The following DIPK1A variants were observed in gnomAD, a reference collection of about 807,000 sequenced individuals.
The protein encoded by DIPK1A is family with sequence similarity 69 member A.
In DIPK1A, 27 loss-of-function variants were observed where a neutral mutation model predicts 40.8. The ratio of observed to expected loss-of-function variants is 0.66; its 90% CI spans 0.49 to 0.91. DIPK1A has a LOEUF of 0.91. Ranked by LOEUF, DIPK1A falls within the 40% of genes least tolerant of loss-of-function variation. The pLI is 0.00. For synonymous variants in DIPK1A, 166 were observed against 171.3 expected, an observed-to-expected ratio of 0.97 and a Z score of 0.24; for missense variants, 412 against 505.7, an observed-to-expected ratio of 0.81 and a Z score of 1.78.
downstream of DIPK1A, among the ~76,000 whole-genome samples, chr1:92,838,054 T>C (rs1687195830): frequency 6.6e-6 from 1 of 152,176 alleles, no homozygotes; most frequent in South Asian, 2.1e-4. Flanking sequence ...GTTGTAGAAA[T>C]GAGGGGAGCC....
chr1:92,941,830 A>G (rs1440951940), intron 1 of DIPK1A, among the ~76,000 whole-genome samples: 1 of 152,104 alleles, frequency 6.6e-6, no homozygotes, highest in Non-Finnish European at 1.5e-5. Context: ...GTGCACTCAA[A>G]TGTACAGATA....
rs1557502636 is a variant in DIPK1A at position 92,959,902 on chromosome 1, A to ATTTTTTTTTT, written c.54+1473_54+1474insAAAAAAAAAA. 7.6e-3 allele frequency among the ~76,000 whole-genome samples: 326 copies of ATTTTTTTTTT among 43,074 alleles called. 23 individuals are homozygous for ATTTTTTTTTT. The highest frequency in any genetic ancestry group is 8.6e-3 in the Non-Finnish European group (225 of 26,066). The allele number at this position is 43,074 out of a possible 152,430, so 28.3% of individuals were successfully genotyped here. A position where few individuals can be genotyped will look rare whatever the true frequency, so the allele number is the denominator to read the frequency against. ...AGCTGGGACCACAGGCACCCAACCAACTTTTTTTTTTTTTTTTTTTTTTTT... is the reference window on the plus strand; with the variant it reads ...AGCTGGGACCACAGGCACCCAACCAATTTTTTTTTTCTTTTTTTTTTTTTTTTTTTTTTTT... On this transcript the variant is annotated intron_variant, in intron 1 of 4. Transcript: ENST00000370310.
intron 1 of DIPK1A, among the ~76,000 whole-genome samples, chr1:92,905,470 T>C (rs1649586226): frequency 6.6e-6 from 1 of 152,182 alleles, no homozygotes. Context: ...CATTTTAAAA[T>C]CAGATTATTA....
chr1:92,892,965 A>G (rs1198389243), intron 1 of DIPK1A, among the ~76,000 whole-genome samples: 1 of 152,126 alleles, frequency 6.6e-6, no homozygotes, highest in Non-Finnish European at 1.5e-5. Context: ...AAGAATAGAA[A>G]GAAATGAACA....
At chr1:92,931,985 A>T (rs1224962577) in intron 1 of DIPK1A, 1 of 475,286 alleles carries the variant, frequency 2.1e-6, no homozygotes, top group African/African-American at 2.1e-5. Context: ...AGATAGACTG[A>T]TAACATATTT....
downstream of DIPK1A, chr1:92,837,652 A>G (rs1283222406): frequency 6.2e-7 from 1 of 1,603,042 alleles, no homozygotes; most frequent in African/African-American, 1.3e-5. Flanking sequence ...TTTACCTAAA[A>G]ATGCCTATAT....
chr1:92,878,084 C>T (rs1261184300), intron 1 of DIPK1A, among the ~76,000 whole-genome samples: 1 of 152,046 alleles, frequency 6.6e-6, no homozygotes. Context: ...TACCAGTTTA[C>T]AGGAAATACA....
chr1:92,833,153 T>C, intron 4 of DIPK1A: 2 of 662,740 alleles, frequency 3.0e-6, no homozygotes, highest in Non-Finnish European at 2.7e-6. Context: ...GTTTCTTTTA[T>C]TCCATATTTC....
intron 1 of DIPK1A, among the ~76,000 whole-genome samples, chr1:92,956,569 A>G (rs1651863692): frequency 6.6e-6 from 1 of 152,208 alleles, no homozygotes; most frequent in Non-Finnish European, 1.5e-5. Context: ...CTGGAGACTG[A>G]AAATGGGCAA....
At chr1:92,836,574 G>A (rs889636437) in intron 4 of DIPK1A, 2 of 626,446 alleles carry the variant, frequency 3.2e-6, no homozygotes, top group African/African-American at 3.7e-5. Flanking sequence ...TATAAATTAA[G>A]AGTCTGAGGC....
chr1:92,918,807 G>A (rs969630876), intron 1 of DIPK1A, among the ~76,000 whole-genome samples: 6 of 152,164 alleles, frequency 3.9e-5, no homozygotes, highest in South Asian at 2.1e-4. Flanking sequence ...GAGATGTTTC[G>A]GGATGAAACT....
intron 1 of DIPK1A, among the ~76,000 whole-genome samples, chr1:92,958,699 T>C (rs543316548): frequency 2.8e-4 from 42 of 152,318 alleles, no homozygotes; most frequent in African/African-American, 9.1e-4. Context: ...ATCAAACTAG[T>C]TTCCCTCATA....
chr1:92,925,279 A>G (rs999341827), intron 1 of DIPK1A, among the ~76,000 whole-genome samples: 9 of 152,196 alleles, frequency 5.9e-5, no homozygotes, highest in Non-Finnish European at 1.2e-4. Context: ...AGATTTTAGT[A>G]TCTGAATTAT....
At chr1:92,945,761 A>C (rs929261028) in intron 1 of DIPK1A, among the ~76,000 whole-genome samples, 1 of 152,214 alleles carries the variant, frequency 6.6e-6, no homozygotes, top group African/African-American at 2.4e-5. Context: ...ACTCCAGAAG[A>C]AGCTCAGTTC....
In DIPK1A at chr1:92,843,493, A is replaced by G; in HGVS notation, c.1177T>C (p.Cys393Arg). 6.4e-7 allele frequency: 1 copy of G among 1,551,790 alleles called. No individual in the cohort carries two copies. The highest frequency in any genetic ancestry group is 8.7e-7 in the Non-Finnish European group (1 of 1,146,988). Residue 393 changes from cysteine (C) to arginine (R), a missense_variant, in exon 5 of 5, where the codon TGT becomes CGT. Transcript: ENST00000370310. ...REELEKQLYS[C>R]IALKVTANQM... Reference sequence around the variant, plus strand: ...TTTGCTGTGACTTTGAGAGCAATACAAGAATAAAGCTGCTTTTCTAATTCT... The same window carrying G: ...TTTGCTGTGACTTTGAGAGCAATACGAGAATAAAGCTGCTTTTCTAATTCT...
chr1:92,840,725 A>G, downstream of DIPK1A: 3 of 945,146 alleles, frequency 3.2e-6, no homozygotes, highest in Non-Finnish European at 5.1e-6. Flanking sequence ...AATTGTGCAA[A>G]CTCGATCACT....
At chr1:92,925,844 A>G (rs1650483918) in intron 1 of DIPK1A, among the ~76,000 whole-genome samples, 1 of 152,080 alleles carries the variant, frequency 6.6e-6, no homozygotes, top group Non-Finnish European at 1.5e-5. Context: ...GGAAAGCTGC[A>G]TTTTTCCAGG....
chr1:92,955,654 C>T (rs1316774261), intron 1 of DIPK1A, among the ~76,000 whole-genome samples: 2 of 144,012 alleles, frequency 1.4e-5, no homozygotes, highest in Admixed American at 7.1e-5. Context: ...GCTGAGATCG[C>T]ACCACTGCAC....
intron 1 of DIPK1A, chr1:92,931,836 A>G: frequency 6.2e-6 from 1 of 162,406 alleles, no homozygotes. Flanking sequence ...AAAATTGGCC[A>G]ACATGAGATG....
Sources: allele counts gnomAD v4.1 joint callset (sites outside exome capture counted in the v4.1 genomes callset), GRCh38; gene constraint gnomAD v4.1.1; transcripts MANE v1.5; gene names NCBI Gene and HGNC (gene_info 2026-07-23, HGNC 2026-07-21).